MTHFS: variants seen among roughly 807,000 people sequenced by gnomAD.
MTHFS encodes the protein methenyltetrahydrofolate synthetase.
A neutral mutation model predicts 12.7 loss-of-function variants in MTHFS; 7 were observed. That is an observed-to-expected ratio of 0.55 (90% CI 0.31 to 1.03). The LOEUF (loss-of-function observed/expected upper bound fraction) is 1.03, where lower values mean the gene tolerates loss of function less well. Ranked by LOEUF, MTHFS falls within the 50% of genes least tolerant of loss-of-function variation. The pLI, the probability that MTHFS is intolerant of heterozygous loss-of-function variation, is 0.05. For synonymous variants in MTHFS, 100 were observed against 97.1 expected (o/e 1.03, Z -0.18); for missense variants, 252 against 258.1 (o/e 0.98, Z 0.16).
At chr15:79,846,633 G>T (rs1263116916) in intron 2 of MTHFS, among the ~76,000 whole-genome samples, 1 of 152,202 alleles carries the variant, frequency 6.6e-6, no homozygotes, top group Non-Finnish European at 1.5e-5. Context: ...GCATGCCTCA[G>T]ATTACAGTAA....
chr15:79,846,100 A>T (rs151315774), intron 2 of MTHFS, among the ~76,000 whole-genome samples: 34 of 152,314 alleles, frequency 2.2e-4, no homozygotes, highest in African/African-American at 7.5e-4. Flanking sequence ...TGGCTATGAC[A>T]TTATCAGGAC....
Position 79,885,435 on chromosome 15 carries a change from G to A in MTHFS, c.379+3658C>T, listed in dbSNP as rs371062094. Among the ~76,000 whole-genome samples the A allele has an allele frequency of 4.6e-5, 7 of 152,172 alleles. No individual in the cohort carries two copies. In the East Asian group the frequency reaches 5.8e-4, roughly 13 times the overall value. ...CAGAAATGATTGACAGCATTGGTGA[G>A]TTTAGTTTTGACTCTCCAGTATCCA... On this transcript the variant is annotated intron_variant, in intron 2 of 2. Transcript: ENST00000258874.
At chr15:79,859,710 C>A (rs923426243) in intron 2 of MTHFS, among the ~76,000 whole-genome samples, 2 of 149,056 alleles carry the variant, frequency 1.3e-5, no homozygotes, top group African/African-American at 2.5e-5. Context: ...CCCAGCTACT[C>A]GGGAGATTGA....
At chr15:79,863,310 C>T (rs1360970136) in intron 2 of MTHFS, among the ~76,000 whole-genome samples, 2 of 152,196 alleles carry the variant, frequency 1.3e-5, no homozygotes, top group Admixed American at 6.5e-5. Context: ...TCTGGCAGAA[C>T]AACCTTTCCC....
At position 79,865,537 on chromosome 15, in the gene MTHFS, G is replaced by T. The variant is rs116066376; in HGVS notation, c.380-20095C>A. On this transcript the variant is annotated intron_variant, in intron 2 of 2. Transcript: ENST00000258874. The stretch of plus-strand genomic sequence containing the variant: ...GCCAGGAGGAGCAGGTATACGTATC[G>T]TAACGATGGGTCTCTGGGCAGCAAG... Among the ~76,000 whole-genome samples, 4 of 152,328 alleles carry T rather than the reference G, an allele frequency of 2.6e-5. No individual in the cohort carries two copies. In the South Asian group the frequency reaches 8.3e-4, roughly 32 times the overall value.
intron 1 of MTHFS, among the ~76,000 whole-genome samples, chr15:79,894,835 C>T (rs2034538143): frequency 6.6e-6 from 1 of 152,196 alleles, no homozygotes. Flanking sequence ...TCTCACTTAA[C>T]AGTCTCCCAT....
chr15:79,875,274 C>CAA (rs113946253), intron 2 of MTHFS, among the ~76,000 whole-genome samples: 4 of 114,948 alleles, frequency 3.5e-5, no homozygotes, highest in Admixed American at 8.8e-5. Flanking sequence ...ACAAAAGCGA[C>CAA]AAAAAAAAAA....
At chr15:79,871,399 C>G (rs2034102380) in intron 2 of MTHFS, among the ~76,000 whole-genome samples, 1 of 151,884 alleles carries the variant, frequency 6.6e-6, no homozygotes, top group Non-Finnish European at 1.5e-5. Context: ...TGCATTATTC[C>G]CAAAAAAAGA....
At chr15:79,886,178 G>C (rs747610736) in intron 2 of MTHFS, among the ~76,000 whole-genome samples, 21 of 152,216 alleles carry the variant, frequency 1.4e-4, no homozygotes, top group Non-Finnish European at 2.1e-4. Context: ...CTGATAATGT[G>C]AGCAAACAAG....
At chr15:79,846,513 C>T (rs2033618308) in intron 2 of MTHFS, among the ~76,000 whole-genome samples, 1 of 152,176 alleles carries the variant, frequency 6.6e-6, no homozygotes, top group South Asian at 2.1e-4. Flanking sequence ...CATGGCTAGC[C>T]CCCACTATCA....
intron 2 of MTHFS, among the ~76,000 whole-genome samples, chr15:79,850,318 G>T (rs983050274): frequency 6.6e-6 from 1 of 152,130 alleles, no homozygotes; most frequent in Admixed American, 6.6e-5. Context: ...TCAGCAAAGG[G>T]GTTCAGCAGA....
At chr15:79,892,449 T>C (rs568400704) in intron 1 of MTHFS, among the ~76,000 whole-genome samples, 4 of 152,272 alleles carry the variant, frequency 2.6e-5, no homozygotes, top group African/African-American at 2.4e-5. Flanking sequence ...CAGAAGCTCC[T>C]GGAAAAATAC....
chr15:79,845,910 C>A lies in MTHFS; in HGVS notation c.380-468G>T, dbSNP rs543274535. On this transcript the variant is annotated intron_variant, in intron 2 of 2. Transcript: ENST00000258874. Reference sequence around the variant, plus strand: ...AGAGTCCACTGTCAGGCATACCAAGCAGTTCAGACAGCCTACTCCCTCCTC... The same window carrying A: ...AGAGTCCACTGTCAGGCATACCAAGAAGTTCAGACAGCCTACTCCCTCCTC... 8.5e-4 allele frequency among the ~76,000 whole-genome samples: 129 copies of A among 152,268 alleles called. 2 individuals carry two copies. The highest frequency in any genetic ancestry group is 2.9e-3 in the African/African-American group (121 of 41,546).
chr15:79,866,014 G>C (rs2034003726), intron 2 of MTHFS, among the ~76,000 whole-genome samples: 1 of 150,788 alleles, frequency 6.6e-6, no homozygotes, highest in Non-Finnish European at 1.5e-5. Flanking sequence ...AGGGAAGAGA[G>C]AAAACAGTCA....
chr15:79,863,750 T>C (rs1456455061), intron 2 of MTHFS, among the ~76,000 whole-genome samples: 3 of 152,222 alleles, frequency 2.0e-5, no homozygotes, highest in East Asian at 3.8e-4. Context: ...AAGCTTGAGA[T>C]ACCAGGCAGG....
At chr15:79,863,679 C>T (rs1460038492) in intron 2 of MTHFS, among the ~76,000 whole-genome samples, 1 of 152,184 alleles carries the variant, frequency 6.6e-6, no homozygotes, top group Non-Finnish European at 1.5e-5. Flanking sequence ...GTGAAGGATG[C>T]TCTTTTTCTC....
At chr15:79,857,268 C>T (rs867751262) in intron 2 of MTHFS, among the ~76,000 whole-genome samples, 2 of 151,794 alleles carry the variant, frequency 1.3e-5, no homozygotes, top group African/African-American at 2.4e-5. Flanking sequence ...CAAAGTGCTG[C>T]GATTACAGGC....
chr15:79,880,791 C>CA (rs200480158), intron 2 of MTHFS, among the ~76,000 whole-genome samples: 5,175 of 106,634 alleles, frequency 0.049, 223 homozygotes, highest in East Asian at 0.3. Context: ...AGTAGTAAAG[C>CA]AAAAAAAAAA....
chr15:79,874,959 T>C (rs1332968304), intron 2 of MTHFS, among the ~76,000 whole-genome samples: 1 of 152,086 alleles, frequency 6.6e-6, no homozygotes, highest in Non-Finnish European at 1.5e-5. Flanking sequence ...ACGAACAATT[T>C]GTGCAGTTAA....
Sources: gnomAD v4.1 joint callset for allele counts (sites outside exome capture counted in the v4.1 genomes callset) on GRCh38, gnomAD v4.1.1 for gene constraint, MANE v1.5 for transcripts, NCBI Gene and HGNC (gene_info 2026-07-23, HGNC 2026-07-21) for gene names.